GRIK4: variants seen among roughly 807,000 people sequenced by gnomAD.
The protein encoded by GRIK4 is glutamate receptor ionotropic, kainate 4.
A neutral mutation model predicts 104.9 loss-of-function variants in GRIK4; 40 were observed. The observed-to-expected ratio is 0.38, with a 90% confidence interval of 0.30 to 0.50. GRIK4 has a LOEUF of 0.50. Among genes scored for constraint, GRIK4 ranks in the 20% least tolerant of loss-of-function variants. The probability of loss-of-function intolerance (pLI) is 0.93; values close to 1 mark genes in which losing one functional copy is unlikely to be tolerated. For missense variants in GRIK4, 1,047 were observed against 1,308.1 expected, an observed-to-expected ratio of 0.80 and a Z score of 3.08; for synonymous variants, 485 against 524.9, an observed-to-expected ratio of 0.92 and a Z score of 1.04.
intron 1 of GRIK4, among the ~76,000 whole-genome samples, chr11:120,563,367 T>G (rs1053315219): frequency 6.6e-6 from 1 of 152,068 alleles, no homozygotes; most frequent in Non-Finnish European, 1.5e-5. Flanking sequence ...GAACAACTTC[T>G]GGGGCCTGGA....
At chr11:120,755,235 A>G (rs1041752136) in intron 3 of GRIK4, among the ~76,000 whole-genome samples, 3 of 152,206 alleles carry the variant, frequency 2.0e-5, no homozygotes, top group East Asian at 1.9e-4. Flanking sequence ...GGAGAACACA[A>G]TTGCACCATG....
intron 3 of GRIK4, among the ~76,000 whole-genome samples, chr11:120,724,360 C>T (rs977161448): frequency 6.6e-6 from 1 of 152,162 alleles, no homozygotes. Context: ...AAATGGACTA[C>T]AATGTATCTA....
chr11:120,822,408 A>G (rs1176581606), intron 6 of GRIK4, among the ~76,000 whole-genome samples: 1 of 152,008 alleles, frequency 6.6e-6, no homozygotes, highest in Admixed American at 6.6e-5. Flanking sequence ...TAAGTGGTAG[A>G]GCTTGGATTT....
intron 3 of GRIK4, among the ~76,000 whole-genome samples, chr11:120,802,431 A>AC (rs1330415337): frequency 4.6e-5 from 7 of 152,140 alleles, no homozygotes; most frequent in Non-Finnish European, 1.0e-4. Flanking sequence ...TGCAGACAGG[A>AC]CCCCTAGTGG....
intron 14 of GRIK4, among the ~76,000 whole-genome samples, chr11:120,948,872 G>T (rs1280090589): frequency 6.6e-6 from 1 of 152,130 alleles, no homozygotes; most frequent in African/African-American, 2.4e-5. Context: ...ACCCCACGAG[G>T]TAGGTTTTAT....
At chr11:120,896,939 T>A (rs1942598623) in intron 11 of GRIK4, among the ~76,000 whole-genome samples, 1 of 152,228 alleles carries the variant, frequency 6.6e-6, no homozygotes, top group African/African-American at 2.4e-5. Flanking sequence ...GCAACAGCAA[T>A]GATTTGCCAG....
intron 3 of GRIK4, among the ~76,000 whole-genome samples, chr11:120,670,926 A>C (rs1333749494): frequency 6.6e-6 from 1 of 151,268 alleles, no homozygotes; most frequent in Non-Finnish European, 1.5e-5. Context: ...TCATTGTTCA[A>C]CTCCCACTTA....
At chr11:120,529,326 A>G (rs1466879561) in intron 1 of GRIK4, among the ~76,000 whole-genome samples, 1 of 152,210 alleles carries the variant, frequency 6.6e-6, no homozygotes, top group Non-Finnish European at 1.5e-5. Context: ...ATTTGTTGAA[A>G]GAAGCAAAGC....
chr11:120,960,920 C>T lies in GRIK4; in HGVS notation c.1886C>T (p.Thr629Met), dbSNP rs985387728. Residue 629 changes from threonine to methionine, a missense_variant, in exon 17 of 21, where the codon ACG becomes ATG. Thr to Met is a moderately conservative substitution (Grantham distance 81). Coordinates refer to ENST00000527524, the MANE Select transcript of GRIK4 (RefSeq NM_014619.5). The part of the protein sequence containing the change: ...RCVSGVWWAF[T>M]LIIISSYTAN... ...CTTTTCCTACATAGGTGGGCATTCACGCTGATCATCATCTCATCCTACACG... is the reference window on the plus strand; with the variant it reads ...CTTTTCCTACATAGGTGGGCATTCATGCTGATCATCATCTCATCCTACACG... The T allele has an allele frequency of 6.8e-6, 11 of 1,613,366 alleles. No homozygotes were observed. Among genetic ancestry groups the T allele is most frequent in the Middle Eastern group, 1.7e-4 (1 of 6,060 alleles).
intron 1 of GRIK4, among the ~76,000 whole-genome samples, chr11:120,580,460 GA>G (rs1248016966): frequency 3.3e-5 from 5 of 151,876 alleles, no homozygotes; most frequent in African/African-American, 1.2e-4. Flanking sequence ...ACTTTTAGTA[GA>G]AACAGGGTTT....
intron 7 of GRIK4, among the ~76,000 whole-genome samples, chr11:120,834,774 T>A: frequency 1.3e-5 from 2 of 152,352 alleles, no homozygotes; most frequent in Admixed American, 1.3e-4. Flanking sequence ...ACGAACTCCA[T>A]GTTTACCCAG....
chr11:120,815,576 C>T (rs1699326842), intron 5 of GRIK4, 101 bp downstream of exon 5: 11 of 656,788 alleles, frequency 1.7e-5, no homozygotes, highest in Non-Finnish European at 2.8e-5. Flanking sequence ...CCTGTCAAGG[C>T]TGGGTTGGTA....
At chr11:120,911,017 A>T (rs1313828351) in intron 13 of GRIK4, among the ~76,000 whole-genome samples, 1 of 152,152 alleles carries the variant, frequency 6.6e-6, no homozygotes, top group Non-Finnish European at 1.5e-5. Context: ...CAGCAACCAC[A>T]CATAGGTGGG....
intron 3 of GRIK4, among the ~76,000 whole-genome samples, chr11:120,753,608 T>G (rs1951600127): frequency 6.6e-6 from 1 of 152,086 alleles, no homozygotes; most frequent in African/African-American, 2.4e-5. Context: ...GGCAAAACAG[T>G]CATCATTTTC....
intron 11 of GRIK4, among the ~76,000 whole-genome samples, chr11:120,891,951 C>T (rs1226888041): frequency 6.6e-6 from 1 of 152,152 alleles, no homozygotes; most frequent in Admixed American, 6.5e-5. Context: ...AGCAAATCAG[C>T]TTTTGTAGAT....
intron 3 of GRIK4, among the ~76,000 whole-genome samples, chr11:120,772,142 G>T (rs1411431117): frequency 6.6e-6 from 1 of 152,162 alleles, no homozygotes; most frequent in Non-Finnish European, 1.5e-5. Flanking sequence ...CAGGAACTCT[G>T]CCCTAACAGG....
chr11:120,848,345 C>G (rs985756347), intron 8 of GRIK4, among the ~76,000 whole-genome samples: 1 of 152,230 alleles, frequency 6.6e-6, no homozygotes, highest in African/African-American at 2.4e-5. Context: ...CTCAGTACTT[C>G]TGACTTTCCC....
At chr11:120,752,974 G>C (rs138404118) in intron 3 of GRIK4, among the ~76,000 whole-genome samples, 4 of 152,350 alleles carry the variant, frequency 2.6e-5, no homozygotes, top group South Asian at 4.1e-4. Context: ...GTGCCTCCTC[G>C]TGGGCCAGTC....
chr11:120,882,880 T>C (rs11600068), intron 11 of GRIK4, among the ~76,000 whole-genome samples: 16,358 of 152,134 alleles, frequency 0.11, 2,856 homozygotes, highest in African/African-American at 0.37. Flanking sequence ...GATGCTGTGA[T>C]GGTCAGGCAT....
Sources: allele counts gnomAD v4.1 joint callset (sites outside exome capture counted in the v4.1 genomes callset), GRCh38; gene constraint gnomAD v4.1.1; transcripts MANE v1.5; gene names NCBI Gene and HGNC (gene_info 2026-07-23, HGNC 2026-07-21).